Variants in TDRD5 observed in about 807,000 individuals in gnomAD.
TDRD5 encodes tudor domain-containing protein 5.
In TDRD5, 41 loss-of-function variants were observed where a neutral mutation model predicts 120.6. The observed-to-expected ratio is 0.34, with a 90% confidence interval of 0.26 to 0.44. TDRD5 has a LOEUF of 0.44. Among genes scored for constraint, TDRD5 ranks in the 20% least tolerant of loss-of-function variants. TDRD5 has a pLI of 1.00. For synonymous variants in TDRD5, 430 were observed against 433.7 expected (o/e 0.99, Z 0.11); for missense variants, 1,006 against 1,221.2 (o/e 0.82, Z 2.63).
chr1:179,650,749 C>T (rs1272814624), intron 11 of TDRD5, 118 bp from the exon 12 acceptor site: 5 of 1,015,718 alleles, frequency 4.9e-6, no homozygotes, highest in South Asian at 1.5e-5. Flanking sequence ...TATTCTAGTA[C>T]TTTTATGGTT....
At chr1:179,634,156 G>A (rs1223589813) in intron 7 of TDRD5, among the ~76,000 whole-genome samples, 1 of 143,706 alleles carries the variant, frequency 7.0e-6, no homozygotes, top group East Asian at 2.1e-4. Flanking sequence ...GGGCAATAGA[G>A]CAAGACTTCA....
At chr1:179,648,086 C>G (rs1678491095) in intron 11 of TDRD5, among the ~76,000 whole-genome samples, 2 of 151,336 alleles carry the variant, frequency 1.3e-5, no homozygotes, top group African/African-American at 4.8e-5. Context: ...ACGCAGCCAT[C>G]CCATTACTGG....
intron 8 of TDRD5, 79 bp from the exon 9 acceptor site, chr1:179,635,588 T>G: frequency 3.1e-6 from 4 of 1,285,680 alleles, no homozygotes; most frequent in Non-Finnish European, 4.3e-6. Flanking sequence ...AGGTGATTCA[T>G]GAAATGTGCT....
At chr1:179,675,503 TCTC>T (rs748292533) in intron 17 of TDRD5, among the ~76,000 whole-genome samples, 92 of 151,272 alleles carry the variant, frequency 6.1e-4, no homozygotes, top group Middle Eastern at 6.8e-3. Flanking sequence ...ATGGTCTCGA[TCTC>T]CTGACCTCGT....
chr1:179,597,255 A>G (rs565138960), intron 4 of TDRD5, among the ~76,000 whole-genome samples: 1 of 151,686 alleles, frequency 6.6e-6, no homozygotes, highest in African/African-American at 2.4e-5. Flanking sequence ...TCATTTCCTT[A>G]ATCCTGTCTG....
chr1:179,616,428 C>G (rs1230113332), intron 4 of TDRD5, among the ~76,000 whole-genome samples: 1 of 152,060 alleles, frequency 6.6e-6, no homozygotes, highest in Non-Finnish European at 1.5e-5. Flanking sequence ...CTCCCAGCAC[C>G]CCAGTTAAAA....
intron 4 of TDRD5, among the ~76,000 whole-genome samples, chr1:179,612,000 G>A (rs1387178737): frequency 1.3e-5 from 2 of 152,120 alleles, no homozygotes; most frequent in Admixed American, 6.5e-5. Flanking sequence ...TACAAAAAGT[G>A]CAACTTTCCA....
intron 17 of TDRD5, among the ~76,000 whole-genome samples, chr1:179,685,115 G>A (rs534945547): frequency 1.7e-4 from 26 of 152,316 alleles, no homozygotes; most frequent in African/African-American, 5.8e-4. Flanking sequence ...TGAAGTCCTT[G>A]CCCATGCCTA....
chr1:179,611,535 C>T (rs1053193062), intron 4 of TDRD5, among the ~76,000 whole-genome samples: 7 of 152,118 alleles, frequency 4.6e-5, no homozygotes, highest in African/African-American at 1.7e-4. Flanking sequence ...GTGCCCTTTT[C>T]AGTATTTAAA....
chr1:179,652,018 C>A (rs776032656), intron 12 of TDRD5, 21 bp from the exon 13 acceptor site: 1 of 1,607,090 alleles, frequency 6.2e-7, no homozygotes, highest in Non-Finnish European at 8.5e-7. Flanking sequence ...TAAACCATCC[C>A]TTTTCTTTTT....
intron 11 of TDRD5, among the ~76,000 whole-genome samples, chr1:179,644,937 A>G (rs1389085777): frequency 1.3e-5 from 2 of 151,822 alleles, no homozygotes; most frequent in African/African-American, 4.8e-5. Flanking sequence ...GGTTATTTCT[A>G]ACCTTTAGGT....
intron 10 of TDRD5, 43 bp downstream of exon 10, chr1:179,640,094 A>C: frequency 6.3e-7 from 1 of 1,597,828 alleles, no homozygotes; most frequent in Non-Finnish European, 8.6e-7. Flanking sequence ...TTAAATTTTG[A>C]ATCACAGTGT....
chr1:179,665,463 AT>A (rs1679510808), intron 16 of TDRD5, among the ~76,000 whole-genome samples: 1 of 152,182 alleles, frequency 6.6e-6, no homozygotes, highest in African/African-American at 2.4e-5. Flanking sequence ...GCATGTGGAC[AT>A]TCAGCTGTAC....
chr1:179,687,020 G>A (rs539427271), intron 17 of TDRD5, among the ~76,000 whole-genome samples: 1 of 152,150 alleles, frequency 6.6e-6, no homozygotes, highest in South Asian at 2.1e-4. Flanking sequence ...TTTTTTGAAG[G>A]GTTTTTTGTG....
chr1:179,603,506 G>A (rs2101924822), intron 4 of TDRD5, among the ~76,000 whole-genome samples: 1 of 152,302 alleles, frequency 6.6e-6, no homozygotes, highest in Middle Eastern at 3.4e-3. Flanking sequence ...TATGTTGGCT[G>A]TGGGTTTGTC....
chr1:179,679,726 GT>G (rs200709462), intron 17 of TDRD5, among the ~76,000 whole-genome samples: 5,758 of 151,284 alleles, frequency 0.038, 171 homozygotes, highest in East Asian at 0.11. Flanking sequence ...CCATCTAGAG[GT>G]TTTTCCCCCC....
At chr1:179,644,656 A>AT (rs982713466) in intron 11 of TDRD5, among the ~76,000 whole-genome samples, 2 of 151,580 alleles carry the variant, frequency 1.3e-5, no homozygotes, top group African/African-American at 4.8e-5. Context: ...ATTGCCCATA[A>AT]TTTTTTTTGT....
chr1:179,598,955 T>C (rs1433666982), intron 4 of TDRD5, among the ~76,000 whole-genome samples: 1 of 152,116 alleles, frequency 6.6e-6, no homozygotes, highest in Non-Finnish European at 1.5e-5. Context: ...CCTAACTATA[T>C]GGGGAAAATA....
At chr1:179,671,701 C>T (rs953958689) in intron 17 of TDRD5, among the ~76,000 whole-genome samples, 12 of 152,094 alleles carry the variant, frequency 7.9e-5, no homozygotes, top group Admixed American at 4.6e-4. Context: ...TGAGTGTATA[C>T]ACTGTACCCA....
Sources: allele counts gnomAD v4.1 joint callset (sites outside exome capture counted in the v4.1 genomes callset), GRCh38; gene constraint gnomAD v4.1.1; transcripts MANE v1.5; gene names NCBI Gene and HGNC (gene_info 2026-07-23, HGNC 2026-07-21).